The following RASEF variants were observed in gnomAD, a reference collection of about 807,000 sequenced individuals.
RASEF encodes the protein RAS and EF-hand domain containing.
Under a neutral mutation model 90.1 loss-of-function variants are expected in RASEF, and 68 were observed. The ratio of observed to expected loss-of-function variants is 0.75; its 90% CI spans 0.62 to 0.92. The LOEUF (loss-of-function observed/expected upper bound fraction) is 0.92. RASEF is among the 40% of genes least tolerant of loss of function. RASEF has a pLI of 0.00. For synonymous variants in RASEF, 331 were observed against 345.2 expected (o/e 0.96, Z 0.46); for missense variants, 949 against 937.2 (o/e 1.01, Z -0.16).
intron 1 of RASEF, chr9:83,055,829 C>T: frequency 1.7e-6 from 1 of 583,356 alleles, no homozygotes; most frequent in Non-Finnish European, 3.1e-6. Context: ...CCCGAAGGGT[C>T]TATGGCTCCC....
the RASEF span, among the ~76,000 whole-genome samples, chr9:83,070,726 T>C: frequency 2.0e-5 from 3 of 152,182 alleles, no homozygotes; most frequent in Non-Finnish European, 2.9e-5. Context: ...TTGGGAGAAC[T>C]GATATCTTAA....
At chr9:83,032,621 A>C (rs989172507) in intron 1 of RASEF, among the ~76,000 whole-genome samples, 1 of 152,228 alleles carries the variant, frequency 6.6e-6, no homozygotes, top group African/African-American at 2.4e-5. Flanking sequence ...CTTCTTGTTC[A>C]ATAAATTATA....
intron 1 of RASEF, among the ~76,000 whole-genome samples, chr9:83,033,560 C>T (rs941625689): frequency 9.9e-5 from 15 of 152,078 alleles, no homozygotes; most frequent in Non-Finnish European, 1.9e-4. Flanking sequence ...CCTCAAGGAC[C>T]GAAAGCGCAC....
At chr9:83,055,584 A>G (rs1218102917) in intron 1 of RASEF, 4 of 711,400 alleles carry the variant, frequency 5.6e-6, no homozygotes, top group East Asian at 2.7e-5. Context: ...CGATTGTCCA[A>G]AGTGTTTCTC....
chr9:83,088,601 T>C, the RASEF span, among the ~76,000 whole-genome samples: 17 of 152,044 alleles, frequency 1.1e-4, no homozygotes, highest in Non-Finnish European at 2.4e-4. Flanking sequence ...GGGCCTCTGT[T>C]GTTAGATGCA....
chr9:83,185,157 T>C, the RASEF span, among the ~76,000 whole-genome samples: 1 of 152,094 alleles, frequency 6.6e-6, no homozygotes, highest in African/African-American at 2.4e-5. Flanking sequence ...CAGTGATCAT[T>C]TTTATCATTA....
the RASEF span, among the ~76,000 whole-genome samples, chr9:83,186,323 C>A: frequency 6.6e-6 from 1 of 152,156 alleles, no homozygotes; most frequent in African/African-American, 2.4e-5. Context: ...CACCCAGTCC[C>A]TTGTTAGAAA....
chr9:83,007,540 A>G, intron 6 of RASEF, 35 bp from the exon 7 acceptor site: 2 of 1,503,702 alleles, frequency 1.3e-6, no homozygotes, highest in South Asian at 1.1e-5. Flanking sequence ...AGTGAGAATT[A>G]GGTGTCAAGT....
At position 83,062,541 on chromosome 9, in the gene RASEF, C is replaced by G. The variant is rs1830228331; in HGVS notation, c.327G>C (p.Glu109Asp). Residue 109 changes from glutamate to aspartate, a missense_variant, in exon 1 of 17, where the codon GAG becomes GAC. Physicochemically the swap from Glu to Asp is conservative, Grantham distance 45 (BLOSUM62 2). This residue lies in a region of RASEF where 656 missense variants were observed against 592.2 expected (regional missense o/e 1.11). Transcript: ENST00000376447. ...THDSEEDEGD[E>D]DAAAALATSC... ...AGGTGGCCAGCGCCGCCGCCGCGTCCTCGTCGCCTTCGTCCTCCTCGCTGT... is the reference window on the plus strand; with the variant it reads ...AGGTGGCCAGCGCCGCCGCCGCGTCGTCGTCGCCTTCGTCCTCCTCGCTGT... The G allele has an allele frequency of 6.2e-7, 1 of 1,606,084 alleles. No individual in the cohort carries two copies. The highest frequency in any genetic ancestry group is 8.5e-7 in the Non-Finnish European group (1 of 1,176,694).
chr9:83,153,008 CTG>C, the RASEF span, among the ~76,000 whole-genome samples: 1 of 152,160 alleles, frequency 6.6e-6, no homozygotes, highest in Admixed American at 6.5e-5. Context: ...ATAAAATACT[CTG>C]TGCTGCTTAA....
At chr9:83,163,330 A>T in the RASEF span, among the ~76,000 whole-genome samples, 2 of 152,224 alleles carry the variant, frequency 1.3e-5, no homozygotes. Flanking sequence ...ATGTCCAGGT[A>T]TCAAGAAAAA....
intron 1 of RASEF, among the ~76,000 whole-genome samples, chr9:83,044,362 G>A (rs1814978999): frequency 6.6e-6 from 1 of 152,126 alleles, no homozygotes; most frequent in Admixed American, 6.5e-5. Flanking sequence ...TCTGTGAGGT[G>A]CTCAGTTTGA....
the RASEF span, among the ~76,000 whole-genome samples, chr9:83,183,328 T>C: frequency 6.6e-6 from 1 of 152,086 alleles, no homozygotes; most frequent in Non-Finnish European, 1.5e-5. Context: ...CTACATACTC[T>C]GTATATGGCC....
chr9:83,186,384 C>T, the RASEF span, among the ~76,000 whole-genome samples: 2 of 152,210 alleles, frequency 1.3e-5, no homozygotes, highest in African/African-American at 2.4e-5. Context: ...CAAACAGCCA[C>T]TCCCTGCTCA....
At chr9:83,007,231 A>C (rs980363429) in intron 7 of RASEF, among the ~76,000 whole-genome samples, 3 of 152,158 alleles carry the variant, frequency 2.0e-5, no homozygotes, top group African/African-American at 7.2e-5. Flanking sequence ...TTTATACTCT[A>C]TTCCCACATC....
At chr9:83,217,744 A>G in the RASEF span, among the ~76,000 whole-genome samples, 1 of 152,204 alleles carries the variant, frequency 6.6e-6, no homozygotes, top group African/African-American at 2.4e-5. Context: ...TTTATCAGCA[A>G]TGTGAGAACA....
intron 16 of RASEF, among the ~76,000 whole-genome samples, chr9:82,988,160 C>T (rs1343567165): frequency 6.6e-6 from 1 of 152,244 alleles, no homozygotes; most frequent in Non-Finnish European, 1.5e-5. Flanking sequence ...ACCTGACAAT[C>T]CAACAGTTAT....
At chr9:83,085,786 G>A in the RASEF span, among the ~76,000 whole-genome samples, 57 of 152,020 alleles carry the variant, frequency 3.7e-4, no homozygotes, top group Middle Eastern at 3.4e-3. Context: ...TTAGCGAGGC[G>A]TGGTGGCATG....
chr9:83,048,334 T>G (rs1829970035), intron 1 of RASEF: 2 of 985,250 alleles, frequency 2.0e-6, no homozygotes, highest in Admixed American at 1.2e-4. Context: ...TCCCTGAGTG[T>G]AGCTGGTCTG....
Sources: allele counts gnomAD v4.1 joint callset (sites outside exome capture counted in the v4.1 genomes callset), GRCh38; gene constraint gnomAD v4.1.1; regional missense constraint gnomAD v4.1.1; transcripts MANE v1.5; gene names NCBI Gene and HGNC (gene_info 2026-07-23, HGNC 2026-07-21).